Variants in ERBB4 observed in about 807,000 individuals in gnomAD.
ERBB4 encodes the protein receptor tyrosine-protein kinase erbB-4.
In ERBB4, 42 loss-of-function variants were observed where a neutral mutation model predicts 158.0. That is an observed-to-expected ratio of 0.27 (90% confidence interval 0.21 to 0.34). ERBB4 has a LOEUF of 0.34. Ranked by LOEUF, ERBB4 falls within the 10% of genes least tolerant of loss-of-function variation. The probability of loss-of-function intolerance (pLI) is 1.00; values close to 1 mark genes in which losing one functional copy is unlikely to be tolerated. For synonymous variants in ERBB4, 583 were observed against 558.7 expected, an observed-to-expected ratio of 1.04 and a Z score of -0.61; for missense variants, 1,333 against 1,624.1, an observed-to-expected ratio of 0.82 and a Z score of 3.08.
At chr2:211,697,269 T>G (rs1041980210) in intron 12 of ERBB4, among the ~76,000 whole-genome samples, 8 of 152,122 alleles carry the variant, frequency 5.3e-5, no homozygotes, top group African/African-American at 1.9e-4. Context: ...GTTTAATAAA[T>G]TATTTTGGAT....
rs374964330 is a variant in ERBB4 at position 211,460,310 on chromosome 2, G to A, written c.2488-29210C>T. ...TGAACTGTAATCACCTTGAAAGTGC[G>A]AACAGATTTATCTTTGTAAAACTTC... On this transcript the variant is annotated intron_variant, in intron 20 of 27. Coordinates refer to ENST00000342788, the MANE Select transcript of ERBB4 (RefSeq NM_005235.3). Among the ~76,000 whole-genome samples, 199 of 152,120 alleles carry A rather than the reference G, an allele frequency of 1.3e-3. 1 individual carries two copies. The highest frequency in any genetic ancestry group is 4.3e-3 in the African/African-American group (178 of 41,514).
chr2:212,471,322 G>T (rs768569631), intron 1 of ERBB4, among the ~76,000 whole-genome samples: 3 of 151,952 alleles, frequency 2.0e-5, no homozygotes, highest in African/African-American at 7.2e-5. Context: ...CTAAGAAAGA[G>T]ACTCTTTGCA....
At chr2:212,267,759 C>T (rs1206954994) in intron 1 of ERBB4, among the ~76,000 whole-genome samples, 3 of 151,328 alleles carry the variant, frequency 2.0e-5, no homozygotes, top group Non-Finnish European at 4.4e-5. Flanking sequence ...CTTCCCCCAC[C>T]CCACAACAGG....
rs189069247 is a variant in ERBB4, at chr2:212,105,240, A to G, written c.234+19512T>C. Among the ~76,000 whole-genome samples, 3 of 152,330 alleles carry G rather than the reference A, an allele frequency of 2.0e-5. No homozygotes were observed. In the East Asian group the frequency reaches 5.8e-4, roughly 29 times the overall value. ...AATTTGTCAGATCATGAATTTTAAG[A>G]TTATAGATCATGTGTGCGTTATTGC... On this transcript the variant is annotated intron_variant, in intron 2 of 27. Transcript: ENST00000342788.
At chr2:211,772,379 T>C (rs1273989639) in intron 4 of ERBB4, among the ~76,000 whole-genome samples, 1 of 152,150 alleles carries the variant, frequency 6.6e-6, no homozygotes, top group Non-Finnish European at 1.5e-5. Flanking sequence ...CACCATATTC[T>C]GTGTGGAGTG....
chr2:211,459,171 T>C (rs2064463618), intron 20 of ERBB4, among the ~76,000 whole-genome samples: 2 of 152,328 alleles, frequency 1.3e-5, no homozygotes, highest in South Asian at 4.1e-4. Context: ...ATATGCTAAG[T>C]CAGCATATGT....
intron 2 of ERBB4, among the ~76,000 whole-genome samples, chr2:211,979,888 GAACT>G (rs2081740422): frequency 6.6e-6 from 1 of 152,062 alleles, no homozygotes; most frequent in Non-Finnish European, 1.5e-5. Context: ...TGCCCATTAT[GAACT>G]CACCACATAG....
At chr2:211,445,858 G>A (rs1379740503) in intron 20 of ERBB4, among the ~76,000 whole-genome samples, 1 of 152,252 alleles carries the variant, frequency 6.6e-6, no homozygotes, top group African/African-American at 2.4e-5. Context: ...TGATGCATGA[G>A]AGGAGCCAGT....
intron 1 of ERBB4, among the ~76,000 whole-genome samples, chr2:212,498,674 T>C (rs1690715804): frequency 6.6e-6 from 1 of 152,112 alleles, no homozygotes; most frequent in Non-Finnish European, 1.5e-5. Flanking sequence ...AATATATTAA[T>C]ATTTAGACAT....
At chr2:212,261,476 A>C (rs1478185082) in intron 1 of ERBB4, among the ~76,000 whole-genome samples, 1 of 152,192 alleles carries the variant, frequency 6.6e-6, no homozygotes, top group Non-Finnish European at 1.5e-5. Flanking sequence ...TTAGGGAGTA[A>C]GAAGATAACG....
At chr2:212,327,728 C>CTTTTTTTTTTTTTTTTTTTT (rs11413473) in intron 1 of ERBB4, among the ~76,000 whole-genome samples, 3 of 133,368 alleles carry the variant, frequency 2.2e-5, no homozygotes, top group Non-Finnish European at 4.7e-5. Context: ...TTCTTTTTTT[C>CTTTTTTTTTTTTTTTTTTTT]TTTTTTTTTT....
At chr2:212,427,260 C>T (rs2091934525) in intron 1 of ERBB4, among the ~76,000 whole-genome samples, 1 of 152,136 alleles carries the variant, frequency 6.6e-6, no homozygotes, top group Non-Finnish European at 1.5e-5. Flanking sequence ...GTGTTTAAAA[C>T]AGGCCACTTG....
At chr2:212,050,540 G>A (rs1454756426) in intron 2 of ERBB4, among the ~76,000 whole-genome samples, 1 of 151,922 alleles carries the variant, frequency 6.6e-6, no homozygotes, top group African/African-American at 2.4e-5. Flanking sequence ...GTATAGTACT[G>A]GGTAGAATAT....
chr2:212,410,885 T>C (rs949452801), intron 1 of ERBB4, among the ~76,000 whole-genome samples: 1 of 152,088 alleles, frequency 6.6e-6, no homozygotes, highest in East Asian at 1.9e-4. Context: ...TTCTCAAAGA[T>C]TATTTACTGT....
chr2:211,482,134 A>G (rs1465745106), intron 20 of ERBB4, among the ~76,000 whole-genome samples: 3 of 152,208 alleles, frequency 2.0e-5, no homozygotes, highest in Admixed American at 2.0e-4. Flanking sequence ...AGGGAACTGT[A>G]TAAGGATAAT....
intron 2 of ERBB4, among the ~76,000 whole-genome samples, chr2:212,101,742 G>GA (rs949847793): frequency 8.7e-5 from 13 of 150,032 alleles, no homozygotes; most frequent in African/African-American, 2.4e-4. Context: ...ATTTCCTTAA[G>GA]AAAAAAAAAT....
At chr2:211,935,774 A>G (rs955062871) in intron 3 of ERBB4, among the ~76,000 whole-genome samples, 4 of 152,084 alleles carry the variant, frequency 2.6e-5, no homozygotes, top group African/African-American at 9.7e-5. Flanking sequence ...TCTATATCCT[A>G]TTGGTTCTGT....
chr2:211,952,341 T>A (rs552239233), intron 2 of ERBB4, among the ~76,000 whole-genome samples: 4 of 152,120 alleles, frequency 2.6e-5, no homozygotes, highest in Admixed American at 2.0e-4. Flanking sequence ...TGCTTAATGA[T>A]GAAAAAGAGT....
chr2:211,591,952 T>C (rs115026428), intron 19 of ERBB4, among the ~76,000 whole-genome samples: 2,624 of 152,308 alleles, frequency 0.017, 44 homozygotes, highest in Middle Eastern at 0.044. Context: ...AAAACGCCAC[T>C]CTTTGAGACG....
Sources: allele counts gnomAD v4.1 joint callset (sites outside exome capture counted in the v4.1 genomes callset), GRCh38; gene constraint gnomAD v4.1.1; transcripts MANE v1.5; gene names NCBI Gene and HGNC (gene_info 2026-07-23, HGNC 2026-07-21).